Variants in SACS observed in about 807,000 individuals in gnomAD.
SACS encodes the protein sacsin molecular chaperone, also known as sacsin.
SACS carries 197 observed loss-of-function variants against 348.0 expected under a neutral mutation model. That is an observed-to-expected ratio of 0.57 (90% confidence interval 0.50 to 0.64). The LOEUF is 0.64. Ranked by LOEUF, SACS falls within the 30% of genes least tolerant of loss-of-function variation. SACS has a pLI of 0.00. For missense variants in SACS, 4,999 were observed against 5,360.8 expected (o/e 0.93, Z 2.11); for synonymous variants, 1,985 against 1,910.6 (o/e 1.04, Z -1.02).
In SACS at chr13:23,395,600, G is replaced by A. The variant is rs74623444; in HGVS notation, c.20+15620C>T. Among the ~76,000 whole-genome samples the A allele has an allele frequency of 2.2e-3, 337 of 152,104 alleles. 7 individuals carry two copies. Among genetic ancestry groups the A allele is most frequent in the Admixed American group, 0.019 (292 of 15,274 alleles). On this transcript the variant is annotated intron_variant, in intron 2 of 9. Transcript: ENST00000382292. ...AGCCTCCCACCTCCCTACAATCACC[G>A]GAATCTTAGGCCTCCTACCCACATC...
rs1359075857 is a variant in SACS, at chr13:23,331,774, G to C, written c.12102C>G (p.Ala4034=). The C allele has an allele frequency of 6.2e-7, 1 of 1,613,768 alleles. No individual in the cohort carries two copies. Among genetic ancestry groups the C allele is most frequent in the African/African-American group, 1.3e-5 (1 of 74,900 alleles). ...DNAFLANEEK[A]IRLCKALREG... ...CTCTTAGGGCTTTGCAAAGTCTTAT[G>C]GCTTTTTCTTCATTGGCCAGAAAAG... Residue 4034 remains alanine, a synonymous_variant, in exon 10 of 10, where the codon GCC becomes GCG. Transcript: ENST00000382292.
chr13:23,417,323 A>T (rs1401134007), intron 1 of SACS, among the ~76,000 whole-genome samples: 1 of 152,240 alleles, frequency 6.6e-6, no homozygotes. Context: ...AACCTTGCAG[A>T]ATAAAAACAC....
At position 23,334,338 on chromosome 13, in the gene SACS, A is replaced by G. The variant is rs1249527788; in HGVS notation, c.9538T>C (p.Leu3180=). The change falls in exon 10 of 10, where the codon TTG becomes CTG. Residue 3180 remains leucine (L), a synonymous_variant. Transcript: ENST00000382292. ...RPKFLTTYHE[L]IPSRKDLFMN... ...AACAAGTCTTTGCGGGATGGAATCA[A>G]TTCATGATATGTTGTTAGAAACTTG... The G allele has an allele frequency of 5.6e-6, 9 of 1,612,082 alleles. No individual in the cohort carries two copies. The highest frequency in any genetic ancestry group is 4.4e-5 in the South Asian group (4 of 90,756).
Position 23,331,862 on chromosome 13 carries a change from A to G in SACS, c.12014T>C (p.Leu4005Pro), listed in dbSNP as rs2137561906. 6.2e-7 allele frequency: 1 copy of G among 1,614,074 alleles called. No homozygotes were observed. The highest frequency in any genetic ancestry group is 8.5e-7 in the Non-Finnish European group (1 of 1,179,962). Residue 4005 changes from leucine (L) to proline (P), a missense_variant, in exon 10 of 10, where the codon CTC becomes CCC. Physicochemically the swap from Leu to Pro is moderately conservative, Grantham distance 98. Around this residue, in one of 6 missense-constraint regions of SACS, gnomAD observed 831 missense variants for 941.8 expected, o/e 0.88. Transcript: ENST00000382292. Reference protein sequence around the residue: ...LCSLQGRLQLLLSSEQFITGL... With the variant: ...LCSLQGRLQLPLSSEQFITGL... Reference sequence around the variant, plus strand: ...TGTAATGAACTGTTCAGAAGACAAGAGTAACTGCAATCTTCCTTGAAGAGA... The same window carrying G: ...TGTAATGAACTGTTCAGAAGACAAGGGTAACTGCAATCTTCCTTGAAGAGA...
In SACS at chr13:23,329,301, G is replaced by T. The variant is rs1278435725; in HGVS notation, c.*835C>A. ...TTTAGACAACAAAAGATTGCATCCT[G>T]TTCAACCACACTATATAAATTATAA... On this transcript the variant is annotated 3_prime_UTR_variant, in exon 10 of 10. Coordinates refer to ENST00000382292, the MANE Select transcript of SACS (RefSeq NM_014363.6). 3 of 604,844 alleles carry T rather than the reference G, an allele frequency of 5.0e-6. No individual in the cohort carries two copies. The highest frequency in any genetic ancestry group is 8.8e-6 in the Non-Finnish European group (3 of 340,824). The allele number at this position is 604,844 out of a possible 1,614,324, so 37.5% of individuals were successfully genotyped here.
Position 23,411,432 on chromosome 13 carries a change from C to T in SACS, c.-193G>A. On this transcript the variant is annotated 5_prime_UTR_variant, in exon 2 of 10. The change abolishes an upstream ATG in the 5' untranslated region. Transcript: ENST00000382292. ...TGTCAGGAAACATTGTCGTGTGTTG[C>T]ATTTGTATTCCTTAAAGTATGACTC... 4.8e-6 allele frequency: 3 copies of T among 625,558 alleles called. No homozygotes were observed. The highest frequency in any genetic ancestry group is 8.6e-6 in the Non-Finnish European group (3 of 350,300). 38.8% of individuals were successfully genotyped at this position (625,558 alleles called of 1,614,324 possible).
At chr13:23,356,266 C>G (rs1251507269) in intron 7 of SACS, among the ~76,000 whole-genome samples, 2 of 152,238 alleles carry the variant, frequency 1.3e-5, no homozygotes, top group African/African-American at 4.8e-5. Flanking sequence ...TCTTCAAAAA[C>G]TCACTACACA....
chr13:23,341,771 T>C, intron 9 of SACS, 81 bp from the exon 10 acceptor site: 1 of 741,276 alleles, frequency 1.3e-6, no homozygotes, highest in Non-Finnish European at 2.2e-6. Flanking sequence ...AACACAGTAC[T>C]GGAAGGTTCT....
At position 23,399,254 on chromosome 13, in the gene SACS, A is replaced by G. The variant is rs189273999; in HGVS notation, c.20+11966T>C. On this transcript the variant is annotated intron_variant, in intron 2 of 9. Transcript: ENST00000382292. ...GTCAGATACAGTAAGTTCCTTTTCA[A>G]AGGTTTAATTTCTGACCTCCTTTGT... Among the ~76,000 whole-genome samples the G allele has an allele frequency of 2.3e-3, 343 of 152,234 alleles. 1 individual carries two copies. The highest frequency in any genetic ancestry group is 8.0e-3 in the African/African-American group (331 of 41,566).
chr13:23,402,876 G>C (rs1004628659), intron 2 of SACS, among the ~76,000 whole-genome samples: 15 of 152,108 alleles, frequency 9.9e-5, no homozygotes, highest in African/African-American at 3.6e-4. Context: ...ACCTGCAGAT[G>C]CTTTCAAAAG....
At chr13:23,358,584 T>G in intron 6 of SACS, 103 bp from the exon 7 acceptor site, 2 of 1,239,478 alleles carry the variant, frequency 1.6e-6, no homozygotes, top group Non-Finnish European at 1.2e-6. Context: ...GAAGGGAAAA[T>G]AGAGAGGAGT....
chr13:23,391,446 G>A (rs987191245), intron 2 of SACS, among the ~76,000 whole-genome samples: 1 of 152,160 alleles, frequency 6.6e-6, no homozygotes, highest in Non-Finnish European at 1.5e-5. Flanking sequence ...CCCCACAGGA[G>A]CTGGGAGTAA....
chr13:23,342,933 C>G (rs548860552), intron 9 of SACS, among the ~76,000 whole-genome samples: 1 of 152,326 alleles, frequency 6.6e-6, no homozygotes, highest in South Asian at 2.1e-4. Flanking sequence ...CTAAAGACTG[C>G]TCTATATTTA....
intron 2 of SACS, among the ~76,000 whole-genome samples, chr13:23,401,120 G>T (rs535995678): frequency 6.6e-6 from 1 of 152,278 alleles, no homozygotes; most frequent in East Asian, 1.9e-4. Flanking sequence ...ATGTCCTGGT[G>T]TAATATTTTT....
At chr13:23,358,233 G>C in intron 7 of SACS, 102 bp downstream of exon 7, 1 of 1,252,332 alleles carries the variant, frequency 8.0e-7, no homozygotes, top group South Asian at 1.2e-5. Context: ...ATTTGGGTAA[G>C]ATGGCTTTTA....
chr13:23,420,196 C>A (rs1873869709), intron 1 of SACS, among the ~76,000 whole-genome samples: 1 of 152,102 alleles, frequency 6.6e-6, no homozygotes, highest in African/African-American at 2.4e-5. Context: ...CCAACTGGGG[C>A]CTGCTCTTCA....
At chr13:23,368,873 GTATTTT>G (rs1871212993) in intron 4 of SACS, among the ~76,000 whole-genome samples, 1 of 152,024 alleles carries the variant, frequency 6.6e-6, no homozygotes, top group Non-Finnish European at 1.5e-5. Flanking sequence ...TAATTTTTTT[GTATTTT>G]TAGTAGAGAT....
intron 7 of SACS, among the ~76,000 whole-genome samples, chr13:23,357,126 T>A (rs757450126): frequency 6.6e-6 from 1 of 152,204 alleles, no homozygotes; most frequent in Non-Finnish European, 1.5e-5. Context: ...TTATTCTCAA[T>A]GAGCAATCAA....
rs1883465898 is a variant in SACS at position 23,331,398 on chromosome 13, T to C, written c.12478A>G (p.Ile4160Val). 3 of 1,614,038 alleles carry C rather than the reference T, an allele frequency of 1.9e-6. No individual in the cohort carries two copies. Among genetic ancestry groups the C allele is most frequent in the South Asian group, 1.1e-5 (1 of 91,072 alleles). The change falls in exon 10 of 10, where the codon ATT (isoleucine) becomes GTT (valine). Residue 4160 changes from isoleucine to valine, a missense_variant. By Grantham distance (29) the Ile-to-Val change is conservative. Around this residue, in one of 6 missense-constraint regions of SACS, gnomAD observed 831 missense variants for 941.8 expected, o/e 0.88. Transcript: ENST00000382292. ...AGAGTGTAATGAATTTCAGCAGGAA[T>C]TGGTGTGCCAGGCATTGGAAGTTCC... ...KLELPMPGTP[I>V]PAEIHYTLLM...
Sources: allele counts gnomAD v4.1 joint callset (sites outside exome capture counted in the v4.1 genomes callset), GRCh38; gene constraint gnomAD v4.1.1; regional missense constraint gnomAD v4.1.1; transcripts MANE v1.5; gene names NCBI Gene and HGNC (gene_info 2026-07-23, HGNC 2026-07-21).